The following DOCK9 variants were observed in gnomAD, a reference collection of about 807,000 sequenced individuals.
DOCK9 encodes dedicator of cytokinesis protein 9.
In DOCK9, 89 loss-of-function variants were observed where a neutral mutation model predicts 263.3. The observed-to-expected ratio is 0.34, with a 90% CI of 0.28 to 0.40. DOCK9 has a LOEUF of 0.40. Ranked by LOEUF, DOCK9 falls within the 10% of genes least tolerant of loss-of-function variation. The pLI, the probability that DOCK9 is intolerant of heterozygous loss-of-function variation, is 1.00. For synonymous variants in DOCK9, 976 were observed against 973.1 expected, an observed-to-expected ratio of 1.00 and a Z score of -0.06; for missense variants, 2,140 against 2,603.4, an observed-to-expected ratio of 0.82 and a Z score of 3.87.
At chr13:98,873,322 C>G (rs990740088) in intron 27 of DOCK9, among the ~76,000 whole-genome samples, 3 of 152,240 alleles carry the variant, frequency 2.0e-5, no homozygotes, top group African/African-American at 7.2e-5. Context: ...TTAGTTCTGT[C>G]TGTTCGCTTC....
At chr13:99,044,611 A>T (rs1419794760) in intron 1 of DOCK9, among the ~76,000 whole-genome samples, 3 of 152,238 alleles carry the variant, frequency 2.0e-5, no homozygotes. Flanking sequence ...CTAACACTTT[A>T]AAAATGTGCA....
intron 49 of DOCK9, 90 bp downstream of exon 49, chr13:98,804,909 C>T (rs1204899696): frequency 1.0e-5 from 14 of 1,394,682 alleles, no homozygotes; most frequent in Non-Finnish European, 1.4e-5. Context: ...GCTCGAAAGA[C>T]CCTTCCAGTC....
chr13:98,955,824 C>G (rs1487239943), intron 1 of DOCK9, among the ~76,000 whole-genome samples: 2 of 152,216 alleles, frequency 1.3e-5, no homozygotes, highest in Admixed American at 6.5e-5. Flanking sequence ...CGGGTCATCC[C>G]TGACTAGCTA....
chr13:98,877,561 A>G (rs1385697937), intron 27 of DOCK9, among the ~76,000 whole-genome samples: 1 of 151,808 alleles, frequency 6.6e-6, no homozygotes, highest in Non-Finnish European at 1.5e-5. Flanking sequence ...CTCTCTCTCC[A>G]CCTGGTCCTC....
chr13:98,870,873 C>T (rs1484352413), intron 27 of DOCK9, among the ~76,000 whole-genome samples: 6 of 149,176 alleles, frequency 4.0e-5, no homozygotes, highest in African/African-American at 1.5e-4. Context: ...GACAAATGAC[C>T]CACTTTCTTC....
At chr13:98,955,413 A>G in intron 2 of DOCK9, 22 bp downstream of exon 2, 3 of 1,503,746 alleles carry the variant, frequency 2.0e-6, no homozygotes, top group Non-Finnish European at 2.7e-6. Flanking sequence ...GGTTCTACGG[A>G]TAGAAACATA....
upstream of DOCK9, among the ~76,000 whole-genome samples, chr13:98,981,372 T>G (rs932678243): frequency 6.6e-6 from 1 of 152,188 alleles, no homozygotes; most frequent in Non-Finnish European, 1.5e-5. Context: ...AAGTAAAAAT[T>G]TTTTTAAATG....
At chr13:98,872,999 C>T (rs541625571) in intron 27 of DOCK9, among the ~76,000 whole-genome samples, 13 of 152,334 alleles carry the variant, frequency 8.5e-5, no homozygotes, top group African/African-American at 3.1e-4. Flanking sequence ...GGATGTGGGA[C>T]TCCACTGATG....
intron 1 of DOCK9, among the ~76,000 whole-genome samples, chr13:98,994,158 G>A (rs1880461021): frequency 6.6e-6 from 1 of 152,212 alleles, no homozygotes; most frequent in Non-Finnish European, 1.5e-5. Context: ...GCAGGTGAAG[G>A]GCTGTTGGCG....
chr13:98,959,494 T>C (rs1434019793), intron 1 of DOCK9: 1 of 152,282 alleles, frequency 6.6e-6, no homozygotes, highest in Admixed American at 6.5e-5. Flanking sequence ...CATGACTGAC[T>C]CCAGGGAAAA....
chr13:99,056,972 C>G lies in DOCK9; in HGVS notation c.129+29251G>C, dbSNP rs190292753. On this transcript the variant is annotated intron_variant, in intron 1 of 32. Transcript: ENST00000427887. ...TCACCTCCCTGGGGGATTAGAGCAG[C>G]CTGAGAGAAGGACCAGTTTCTTGCC... 9.8e-5 allele frequency among the ~76,000 whole-genome samples: 15 copies of G among 152,306 alleles called. No individual in the cohort carries two copies. The East Asian group carries it at 2.7e-3, about 27-fold the overall frequency.
intron 1 of DOCK9, among the ~76,000 whole-genome samples, chr13:98,998,728 C>A (rs1871013707): frequency 1.3e-5 from 2 of 152,282 alleles, no homozygotes; most frequent in South Asian, 4.2e-4. Context: ...AAAGTCTAGG[C>A]ACAGACTCGT....
intron 1 of DOCK9, among the ~76,000 whole-genome samples, chr13:99,086,025 TGG>T (rs1394881639): frequency 6.6e-6 from 1 of 152,108 alleles, no homozygotes; most frequent in African/African-American, 2.4e-5. Flanking sequence ...GGGAGGGGTC[TGG>T]GAGTTGCAGC....
intron 1 of DOCK9, among the ~76,000 whole-genome samples, chr13:98,959,905 CT>C (rs2058448982): frequency 6.6e-6 from 1 of 152,198 alleles, no homozygotes; most frequent in South Asian, 2.1e-4. Flanking sequence ...CTGGTGACAG[CT>C]GTTCACTGTT....
In DOCK9 at chr13:98,829,563, C is replaced by T. The variant is rs759941459; in HGVS notation, c.4750-41G>A. The stretch of plus-strand genomic sequence containing the variant: ...AAGAGGAAAGGACACATGGCTTCCT[C>T]TGTTTGCTGCCTGTCCACAAGCACC... On this transcript the variant is annotated intron_variant, in intron 42 of 52. Transcript: ENST00000682017. The surrounding 1 kb of genome is among the most constrained non-coding windows in gnomAD (Gnocchi z 4.1). 6.3e-6 allele frequency: 10 copies of T among 1,590,842 alleles called. No individual in the cohort carries two copies. The highest frequency in any genetic ancestry group is 2.3e-5 in the South Asian group (2 of 87,942).
At chr13:99,036,454 C>G (rs1215482554) in intron 1 of DOCK9, among the ~76,000 whole-genome samples, 1 of 152,178 alleles carries the variant, frequency 6.6e-6, no homozygotes, top group Non-Finnish European at 1.5e-5. Flanking sequence ...AGAACCCAAC[C>G]ATGCTGGCAC....
intron 1 of DOCK9, among the ~76,000 whole-genome samples, chr13:99,004,008 GC>G (rs2141860384): frequency 6.6e-6 from 1 of 152,148 alleles, no homozygotes; most frequent in South Asian, 2.1e-4. Flanking sequence ...AGCCTGATAA[GC>G]CCCCTCCAGC....
At chr13:99,037,194 A>G (rs1887980208) in intron 1 of DOCK9, among the ~76,000 whole-genome samples, 1 of 152,250 alleles carries the variant, frequency 6.6e-6, no homozygotes, top group Admixed American at 6.5e-5. Flanking sequence ...CAAAAGAAAC[A>G]AAATTTAATT....
chr13:98,800,575 ATTAC>A, intron 49 of DOCK9, 97 bp from the exon 50 acceptor site: 1 of 1,363,018 alleles, frequency 7.3e-7, no homozygotes, highest in Non-Finnish European at 9.8e-7. Context: ...ACATGTCATT[ATTAC>A]TTACATTTTT....
Sources: gnomAD v4.1 joint callset for allele counts (sites outside exome capture counted in the v4.1 genomes callset) on GRCh38, gnomAD v4.1.1 for gene constraint, Gnocchi (gnomAD v3.1) non-coding constraint, MANE v1.5 for transcripts, NCBI Gene and HGNC (gene_info 2026-07-23, HGNC 2026-07-21) for gene names.